Variants in CROT observed in about 807,000 individuals in gnomAD.
CROT encodes carnitine O-octanoyltransferase.
In CROT, 84 loss-of-function variants were observed where a neutral mutation model predicts 89.2. The ratio of observed to expected loss-of-function variants is 0.94; its 90% CI spans 0.79 to 1.13. The LOEUF is 1.13. Among genes scored for constraint, CROT ranks in the 50% most tolerant of loss-of-function variants. The probability of loss-of-function intolerance (pLI) is 0.00; values close to 1 mark genes in which losing one functional copy is unlikely to be tolerated. For synonymous variants in CROT, 212 were observed against 239.5 expected (o/e 0.89, Z 1.06); for missense variants, 711 against 727.8 (o/e 0.98, Z 0.27).
chr7:87,389,754 C>T (rs1807301851), intron 13 of CROT, among the ~76,000 whole-genome samples: 1 of 152,080 alleles, frequency 6.6e-6, no homozygotes, highest in Non-Finnish European at 1.5e-5. Context: ...ACATGTATCC[C>T]AGAACTTTAA....
At position 87,361,583 on chromosome 7, in the gene CROT, T is replaced by C. The variant is rs771827440; in HGVS notation, c.422+12T>C. The C allele has an allele frequency of 1.3e-6, 2 of 1,573,346 alleles. No individual in the cohort carries two copies. ...CAGCTATTAAGAAAGTAAGGACACA[T>C]GTGAATTTAGTGACAGGCTTACCTG... On this transcript the variant is annotated intron_variant, in intron 5 of 17. Coordinates refer to ENST00000331536, the MANE Select transcript of CROT (RefSeq NM_021151.4).
intron 3 of CROT, among the ~76,000 whole-genome samples, chr7:87,351,723 C>G (rs1805875451): frequency 6.6e-6 from 1 of 152,116 alleles, no homozygotes; most frequent in Admixed American, 6.5e-5. Flanking sequence ...TGAATGTACC[C>G]AAGTGTGTAT....
chr7:87,360,552 G>C (rs1284714844), intron 4 of CROT, among the ~76,000 whole-genome samples: 1 of 152,134 alleles, frequency 6.6e-6, no homozygotes, highest in Admixed American at 6.5e-5. Flanking sequence ...TGTTGGCCAG[G>C]CTGGTCTCAA....
intron 3 of CROT, among the ~76,000 whole-genome samples, chr7:87,350,181 C>T (rs780417581): frequency 5.9e-5 from 9 of 151,984 alleles, no homozygotes; most frequent in South Asian, 2.1e-4. Flanking sequence ...GTCATAAGAC[C>T]GGGAATCCAT....
chr7:87,375,989 G>A, intron 9 of CROT, 36 bp downstream of exon 9: 5 of 1,511,544 alleles, frequency 3.3e-6, no homozygotes, highest in Non-Finnish European at 4.4e-6. Context: ...TTTTATTGCA[G>A]ATTTTTCTGG....
At chr7:87,351,170 G>A (rs1475384746) in intron 3 of CROT, among the ~76,000 whole-genome samples, 17 of 151,844 alleles carry the variant, frequency 1.1e-4, no homozygotes, top group Admixed American at 8.5e-4. Flanking sequence ...TTAGCCAGGC[G>A]TGGTGGCGGG....
Position 87,382,105 on chromosome 7 carries a change from C to T in CROT, c.1094C>T (p.Pro365Leu). The T allele has an allele frequency of 6.2e-7, 1 of 1,613,376 alleles. No individual in the cohort carries two copies. The highest frequency in any genetic ancestry group is 8.5e-7 in the Non-Finnish European group (1 of 1,179,578). The change falls in exon 12 of 18, where the codon CCA becomes CTA. Residue 365 changes from proline to leucine, a missense_variant. Pro to Leu is a moderately conservative substitution (Grantham distance 98, BLOSUM62 -3). Coordinates refer to ENST00000331536, the MANE Select transcript of CROT (RefSeq NM_021151.4). ...GSEKVRDIPL[P>L]EELIFIVDEK... ...GAGAAGGTACGAGATATACCACTTC[C>T]AGAAGAGCTCATTTTCATTGTGGAT...
chr7:87,390,253 G>C (rs1291316812), intron 13 of CROT, among the ~76,000 whole-genome samples: 2 of 152,094 alleles, frequency 1.3e-5, no homozygotes, highest in Non-Finnish European at 2.9e-5. Context: ...CATCTTTTAA[G>C]ATTAAGAGTG....
intron 12 of CROT, 48 bp from the exon 13 acceptor site, chr7:87,382,365 T>C: frequency 6.3e-7 from 1 of 1,590,938 alleles, no homozygotes; most frequent in Non-Finnish European, 8.6e-7. Context: ...CTTTGGTGTA[T>C]TCTCCTTAGG....
chr7:87,391,660 G>A lies in CROT; in HGVS notation c.1373G>A (p.Cys458Tyr). 1 of 1,612,048 alleles carries A rather than the reference G, an allele frequency of 6.2e-7. No homozygotes were observed. The highest frequency in any genetic ancestry group is 8.5e-7 in the Non-Finnish European group (1 of 1,179,254). ...YHGRTETMRS[C>Y]TVEAVRWCQS... ...GGCCGTACAGAGACTATGCGATCAT[G>A]CACAGTTGAAGCAGTGAGGTGGTGC... is the stretch of plus-strand genomic sequence containing the variant. Residue 458 changes from cysteine (C) to tyrosine (Y), a missense_variant, in exon 14 of 18, where the codon TGC becomes TAC. Physicochemically the swap from Cys to Tyr is radical, Grantham distance 194 (BLOSUM62 -2). Coordinates refer to ENST00000331536, the MANE Select transcript of CROT (RefSeq NM_021151.4).
At chr7:87,388,041 G>A (rs1196466062) in intron 13 of CROT, among the ~76,000 whole-genome samples, 1 of 152,156 alleles carries the variant, frequency 6.6e-6, no homozygotes, top group Admixed American at 6.5e-5. Context: ...TGGGGAGCAG[G>A]TGGGTGTGAT....
intron 3 of CROT, chr7:87,357,657 C>T (rs1806126915): frequency 1.4e-6 from 1 of 701,722 alleles, no homozygotes; most frequent in Non-Finnish European, 2.5e-6. Flanking sequence ...AGTAGAGCGT[C>T]CTCAGAGGGC....
At chr7:87,345,853 C>T in intron 1 of CROT, 86 bp downstream of exon 1, 1 of 171,194 alleles carries the variant, frequency 5.8e-6, no homozygotes, top group Non-Finnish European at 1.2e-5. Context: ...CGCAAAGGTG[C>T]CTGGATTTGG....
At chr7:87,370,965 T>C (rs901808605) in intron 7 of CROT, among the ~76,000 whole-genome samples, 6 of 152,218 alleles carry the variant, frequency 3.9e-5, no homozygotes, top group Non-Finnish European at 8.8e-5. Context: ...ACATTCTGGG[T>C]AAGAGTTCTT....
chr7:87,373,339 A>T (rs1168289500), intron 7 of CROT, among the ~76,000 whole-genome samples: 2 of 152,084 alleles, frequency 1.3e-5, no homozygotes, highest in African/African-American at 4.8e-5. Context: ...CTTTTTACAG[A>T]TATATAATTT....
chr7:87,385,122 A>G (rs1807148156), intron 13 of CROT, among the ~76,000 whole-genome samples: 1 of 149,490 alleles, frequency 6.7e-6, no homozygotes, highest in Non-Finnish European at 1.5e-5. Flanking sequence ...AAGTTTGGTA[A>G]TGTGATACCT....
intron 6 of CROT, 148 bp from the exon 7 acceptor site, chr7:87,369,228 T>C (rs993973493): frequency 2.0e-6 from 1 of 503,228 alleles, no homozygotes; most frequent in African/African-American, 1.9e-5. Flanking sequence ...ATTCCATTAA[T>C]ACATTATTTT....
intron 6 of CROT, among the ~76,000 whole-genome samples, chr7:87,366,386 C>G (rs566780309): frequency 8.5e-5 from 13 of 152,230 alleles, no homozygotes; most frequent in Non-Finnish European, 1.8e-4. Context: ...GGTTATATCA[C>G]CACTACATTG....
At chr7:87,350,928 T>G (rs1805845929) in intron 3 of CROT, among the ~76,000 whole-genome samples, 1 of 152,196 alleles carries the variant, frequency 6.6e-6, no homozygotes, top group Admixed American at 6.5e-5. Flanking sequence ...TTTAGTTATC[T>G]ACAGAATAAT....
Sources: allele counts gnomAD v4.1 joint callset (sites outside exome capture counted in the v4.1 genomes callset), GRCh38; gene constraint gnomAD v4.1.1; transcripts MANE v1.5; gene names NCBI Gene and HGNC (gene_info 2026-07-23, HGNC 2026-07-21).